The following SPRED3 variants were observed in gnomAD, a reference collection of about 807,000 sequenced individuals.
The protein encoded by SPRED3 is sprouty-related, EVH1 domain-containing protein 3.
In SPRED3, 23 loss-of-function variants were observed where a neutral mutation model predicts 37.6. That is an observed-to-expected ratio of 0.61 (90% CI 0.44 to 0.87). The LOEUF is 0.87. Among genes scored for constraint, SPRED3 ranks in the 40% least tolerant of loss-of-function variants. The pLI, the probability that SPRED3 is intolerant of heterozygous loss-of-function variation, is 0.00. For missense variants in SPRED3, 584 were observed against 618.6 expected, an observed-to-expected ratio of 0.94 and a Z score of 0.59; for synonymous variants, 302 against 279.6, an observed-to-expected ratio of 1.08 and a Z score of -0.80.
At position 38,395,692 on chromosome 19, in the gene SPRED3, C is replaced by A; in HGVS notation, c.780C>A (p.Ala260=). The A allele has an allele frequency of 1.4e-6, 2 of 1,481,244 alleles. No homozygotes were observed. The highest frequency in any genetic ancestry group is 1.3e-5 in the South Asian group (1 of 76,308). 91.8% of individuals were successfully genotyped at this position (1,481,244 alleles called of 1,614,324 possible). The change falls in exon 6 of 6, where the codon GCC becomes GCA. Residue 260 remains alanine, a synonymous_variant. Transcript: ENST00000691638. This position sits in a 1 kb window ranked among gnomAD's most constrained non-coding sequence, Gnocchi z 5.2. ...TGGGTCCCCCAGCGGCACTACCTGC[C>A]CCTTTGACCGAGGCTGCGCCCCCAG... ...AALGPPAALP[A]PLTEAAPPAP...
intron 4 of SPRED3, among the ~76,000 whole-genome samples, chr19:38,393,942 C>T (rs948151278): frequency 3.3e-5 from 5 of 152,190 alleles, no homozygotes; most frequent in Non-Finnish European, 7.3e-5. Context: ...CAGTTGCAGA[C>T]AGTTCCCATC....
Position 38,396,622 on chromosome 19 carries a change from G to A in SPRED3, c.*477G>A, listed in dbSNP as rs1970901129. On this transcript the variant is annotated 3_prime_UTR_variant, in exon 6 of 6. Coordinates refer to ENST00000691638, the MANE Select transcript of SPRED3 (RefSeq NM_001394336.1). The stretch of plus-strand genomic sequence containing the variant: ...TCAGATCTTGAGACCATAGGACCTG[G>A]AGTCACCCACAAACAGTTCCTGAAT... The A allele has an allele frequency of 6.6e-6, 1 of 152,470 alleles. No homozygotes were observed. The highest frequency in any genetic ancestry group is 6.5e-5 in the Admixed American group (1 of 15,278). The allele number at this position is 152,470 out of a possible 1,614,324, so 9.4% of individuals were successfully genotyped here.
At position 38,395,659 on chromosome 19, in the gene SPRED3, C is replaced by T. The variant is rs2145160510; in HGVS notation, c.747C>T (p.Gly249=). 1 of 1,519,482 alleles carries T rather than the reference C, an allele frequency of 6.6e-7. No homozygotes were observed. Among genetic ancestry groups the T allele is most frequent in the Non-Finnish European group, 8.7e-7 (1 of 1,144,548 alleles). The allele number at this position is 1,519,482 out of a possible 1,614,324, so 94.1% of individuals were successfully genotyped here. Reference sequence around the variant, plus strand: ...TCGCCAAGACCGGCGCGTTGAGGGGCGCTGCCCTGGGTCCCCCAGCGGCAC... The same window carrying T: ...TCGCCAAGACCGGCGCGTTGAGGGGTGCTGCCCTGGGTCCCCCAGCGGCAC... ...VRFAKTGALR[G]AALGPPAALP... The change falls in exon 6 of 6, where the codon GGC becomes GGT. Residue 249 remains glycine, a synonymous_variant. Transcript: ENST00000691638. This position sits in a 1 kb window ranked among gnomAD's most constrained non-coding sequence, Gnocchi z 5.2.
chr19:38,390,424 G>T lies in SPRED3; in HGVS notation c.122G>T (p.Gly41Val), dbSNP rs780044829. Residue 41 changes from glycine (G) to valine (V), a missense_variant, in exon 2 of 6, where the codon GGG becomes GTG. Coordinates refer to ENST00000691638, the MANE Select transcript of SPRED3 (RefSeq NM_001394336.1). ...CGGGTCCGAGGGGCCAGGCCCGAGG[G>T]GGGGGCCCGCCAGGGGCACTACGTC... ...VCRVRGARPEGGARQGHYVIH... is the reference protein window; with the variant it reads ...VCRVRGARPEVGARQGHYVIH... The T allele has an allele frequency of 2.6e-4, 363 of 1,405,132 alleles. 1 individual carries two copies. The highest frequency in any genetic ancestry group is 3.1e-4 in the Non-Finnish European group (339 of 1,076,946). The allele number at this position is 1,405,132 out of a possible 1,614,324, so 87.0% of individuals were successfully genotyped here.
Position 38,395,491 on chromosome 19 carries a change from GCTT to G in SPRED3, c.582_584del (p.Leu195del), listed in dbSNP as rs1970882863. On this transcript the variant is annotated inframe_deletion, in exon 6 of 6. Transcript: ENST00000691638. The surrounding 1 kb of genome is among the most constrained non-coding windows in gnomAD (Gnocchi z 5.2). ...CCTTCGTTCCGCAGAGCTACCCTCC[GCTT>G]CTACCGTTCACGGGGATTCCGGAAC... 6.7e-7 allele frequency: 1 copy of G among 1,500,626 alleles called. No homozygotes were observed. Among genetic ancestry groups the G allele is most frequent in the African/African-American group, 1.5e-5 (1 of 68,714 alleles). The allele number at this position is 1,500,626 out of a possible 1,614,324, so 93.0% of individuals were successfully genotyped here.
At position 38,391,937 on chromosome 19, in the gene SPRED3, G is replaced by A; in HGVS notation, c.178-9G>A. 6.2e-7 allele frequency: 1 copy of A among 1,613,254 alleles called. No individual in the cohort carries two copies. On this transcript the variant is annotated splice_polypyrimidine_tract_variant and intron_variant, in intron 2 of 5. Transcript: ENST00000691638. ...GGGTATCTGACCCTGCTTTCCTTCTGCCCCTCAGACAACCTTGGAGTGTAC... is the reference window on the plus strand; with the variant it reads ...GGGTATCTGACCCTGCTTTCCTTCTACCCCTCAGACAACCTTGGAGTGTAC...
At chr19:38,391,015 T>C (rs1319658008) in intron 2 of SPRED3, among the ~76,000 whole-genome samples, 3 of 151,614 alleles carry the variant, frequency 2.0e-5, no homozygotes, top group South Asian at 4.2e-4. Flanking sequence ...CAGCTAGGGA[T>C]GTAGTAGAAA....
intron 4 of SPRED3, 82 bp from the exon 5 acceptor site, chr19:38,394,561 G>T (rs1346307340): frequency 3.2e-6 from 5 of 1,549,646 alleles, no homozygotes; most frequent in Non-Finnish European, 3.5e-6. Context: ...CAGAGCCCTC[G>T]CTCTCAATGG....
At position 38,390,280 on chromosome 19, in the gene SPRED3, T is replaced by A; in HGVS notation, c.-4-19T>A. 7.5e-7 allele frequency: 1 copy of A among 1,338,964 alleles called. No individual in the cohort carries two copies. The highest frequency in any genetic ancestry group is 9.7e-7 in the Non-Finnish European group (1 of 1,035,918). 82.9% of individuals were successfully genotyped at this position (1,338,964 alleles called of 1,614,324 possible). On this transcript the variant is annotated intron_variant, in intron 1 of 5. Transcript: ENST00000691638. The stretch of plus-strand genomic sequence containing the variant: ...GCTCATGACTGTGTTGTCCCTGTCC[T>A]TCCCCCCACCTCCTGCAGGTACATG...
Position 38,395,626 on chromosome 19 carries a change from CG to C in SPRED3, c.715del (p.Val239CysfsTer9). On this transcript the variant is annotated frameshift_variant, in exon 6 of 6. Coordinates refer to ENST00000691638, the MANE Select transcript of SPRED3 (RefSeq NM_001394336.1). LOFTEE classifies it high-confidence loss of function. The surrounding 1 kb of genome is among the most constrained non-coding windows in gnomAD (Gnocchi z 5.2). ...PAPLALSTCV[V>X]RFAKTGALRG... ...CGCCCCTCGCCCTGTCCACCTGCGT[CG>C]TGCGCTTCGCCAAGACCGGCGCGTT... The C allele has an allele frequency of 6.5e-7, 1 of 1,543,726 alleles. No homozygotes were observed. Among genetic ancestry groups the C allele is most frequent in the Non-Finnish European group, 8.7e-7 (1 of 1,153,562 alleles).
rs749221833 is a variant in SPRED3, at chr19:38,390,365, G to T, written c.63G>T (p.Val21=). ...ACTCCAGTGGGGGCTGGCTGCCTGT[G>T]GGGGGCGGGGGCCTCAGCCAGGTGA... ...RDDSSGGWLP[V]GGGGLSQVSV... Residue 21 remains valine, a synonymous_variant, in exon 2 of 6, where the codon GTG becomes GTT. Coordinates refer to ENST00000691638, the MANE Select transcript of SPRED3 (RefSeq NM_001394336.1). 1.4e-6 allele frequency: 2 copies of T among 1,390,044 alleles called. No individual in the cohort carries two copies. The highest frequency in any genetic ancestry group is 1.9e-6 in the Non-Finnish European group (2 of 1,066,332). The allele number at this position is 1,390,044 out of a possible 1,614,324, so 86.1% of individuals were successfully genotyped here. A position where few individuals can be genotyped will look rare whatever the true frequency, so the allele number is the denominator to read the frequency against.
rs995311193 is a variant in SPRED3, at chr19:38,389,282, C to A, written c.-5+475C>A. On this transcript the variant is annotated intron_variant, in intron 1 of 5. Coordinates refer to ENST00000691638, the MANE Select transcript of SPRED3 (RefSeq NM_001394336.1). The stretch of plus-strand genomic sequence containing the variant: ...AAAAGGGGGCTGGGGGCGCTGCAGC[C>A]GCCCCTTCCCCTCCTGAAGGGCCCG... 3.3e-5 allele frequency among the ~76,000 whole-genome samples: 5 copies of A among 151,570 alleles called. No homozygotes were observed. In the East Asian group the frequency reaches 9.7e-4, roughly 29 times the overall value.
Position 38,392,226 on chromosome 19 carries a change from T to C in SPRED3, c.361T>C (p.Ser121Pro), listed in dbSNP as rs770156974. 54 of 896,252 alleles carry C rather than the reference T, an allele frequency of 6.0e-5. No individual in the cohort carries two copies. The Admixed American group carries it at 1.5e-3, about 25-fold the overall frequency. 55.5% of individuals were successfully genotyped at this position (896,252 alleles called of 1,614,324 possible). A position where few individuals can be genotyped will look rare whatever the true frequency, so the allele number is the denominator to read the frequency against. ...AALGRGSLTP[S>P]SSSSSSSPSQ... ...CCCTGCCCCAGGCTCACTCACCCCC[T>C]CCTCCTCCTCCTCCTCCTCCTCTCC... The change falls in exon 4 of 6, where the codon TCC (serine) becomes CCC (proline). Residue 121 changes from serine (S) to proline (P), a missense_variant. Physicochemically the swap from Ser to Pro is moderately conservative, Grantham distance 74 (BLOSUM62 -1). Coordinates refer to ENST00000691638, the MANE Select transcript of SPRED3 (RefSeq NM_001394336.1).
Position 38,395,323 on chromosome 19 carries a change from C to T in SPRED3, c.568-157C>T, listed in dbSNP as rs923712035. On this transcript the variant is annotated intron_variant, in intron 5 of 5. Coordinates refer to ENST00000691638, the MANE Select transcript of SPRED3 (RefSeq NM_001394336.1). The surrounding 1 kb of genome is among the most constrained non-coding windows in gnomAD (Gnocchi z 5.2). ...GGGGTTGGTGCGTGGATTCCTCTGT[C>T]TGTCCCTGGAGAAAAGTGGGGATTG... Among the ~76,000 whole-genome samples the T allele has an allele frequency of 5.3e-5, 8 of 152,206 alleles. No homozygotes were observed. The highest frequency in any genetic ancestry group is 1.9e-4 in the African/African-American group (8 of 41,456).
At position 38,392,213 on chromosome 19, in the gene SPRED3, C is replaced by G; in HGVS notation, c.348C>G (p.Gly116=). The change falls in exon 4 of 6, where the codon GGC becomes GGG. Residue 116 remains glycine (G), a splice_region_variant and synonymous_variant. Coordinates refer to ENST00000691638, the MANE Select transcript of SPRED3 (RefSeq NM_001394336.1). Reference sequence around the variant, plus strand: ...TCTCTGCCTCTCTCCCTGCCCCAGGCTCACTCACCCCCTCCTCCTCCTCCT... The same window carrying G: ...TCTCTGCCTCTCTCCCTGCCCCAGGGTCACTCACCCCCTCCTCCTCCTCCT... ...LLAALAALGR[G]SLTPSSSSSS... is the part of the protein sequence containing the mutation. 2 of 1,598,204 alleles carry G rather than the reference C, an allele frequency of 1.3e-6. No homozygotes were observed. Among genetic ancestry groups the G allele is most frequent in the Admixed American group, 1.7e-5 (1 of 58,758 alleles).
At position 38,397,903 on chromosome 19, in the gene SPRED3, TAAA is replaced by T. The variant is rs774014740; in HGVS notation, c.*1771_*1773del. On this transcript the variant is annotated 3_prime_UTR_variant, in exon 6 of 6. Coordinates refer to ENST00000691638, the MANE Select transcript of SPRED3 (RefSeq NM_001394336.1). ...CTGGGCAATGTAGTGAGACCGTCTC[TAAA>T]AAAAAAAAAAAAGGACCAAGTAGGA... is the stretch of plus-strand genomic sequence containing the variant. 2.3e-5 allele frequency: 3 copies of T among 131,930 alleles called. No individual in the cohort carries two copies. Among genetic ancestry groups the T allele is most frequent in the Non-Finnish European group, 3.2e-5 (2 of 61,596 alleles). The allele number at this position is 131,930 out of a possible 1,614,324, so 8.2% of individuals were successfully genotyped here. A position where few individuals can be genotyped will look rare whatever the true frequency, so the allele number is the denominator to read the frequency against.
chr19:38,394,022 G>A (rs760208268), intron 4 of SPRED3, among the ~76,000 whole-genome samples: 1 of 152,234 alleles, frequency 6.6e-6, no homozygotes, highest in South Asian at 2.1e-4. Flanking sequence ...AGTGGTCTTC[G>A]TGAGTCTGGC....
chr19:38,395,367 G>A lies in SPRED3; in HGVS notation c.568-113G>A. 9.4e-7 allele frequency: 1 copy of A among 1,067,028 alleles called. No homozygotes were observed. The highest frequency in any genetic ancestry group is 1.3e-6 in the Non-Finnish European group (1 of 790,776). 66.1% of individuals were successfully genotyped at this position (1,067,028 alleles called of 1,614,324 possible). A position where few individuals can be genotyped will look rare whatever the true frequency, so the allele number is the denominator to read the frequency against. ...GGGATTGAGGGACCTTGGGAGAGAA[G>A]CAAGCTGGGGTCTTGAAAATCTGAA... On this transcript the variant is annotated intron_variant, in intron 5 of 5. Coordinates refer to ENST00000691638, the MANE Select transcript of SPRED3 (RefSeq NM_001394336.1). The surrounding 1 kb of genome is among the most constrained non-coding windows in gnomAD (Gnocchi z 5.2).
At position 38,390,471 on chromosome 19, in the gene SPRED3, G is replaced by A; in HGVS notation, c.169G>A (p.Asp57Asn). 1 of 1,358,694 alleles carries A rather than the reference G, an allele frequency of 7.4e-7. No individual in the cohort carries two copies. The highest frequency in any genetic ancestry group is 9.5e-7 in the Non-Finnish European group (1 of 1,052,926). The allele number at this position is 1,358,694 out of a possible 1,614,324, so 84.2% of individuals were successfully genotyped here. The change falls in exon 2 of 6, where the codon GAC (aspartate) becomes AAC (asparagine). Residue 57 changes from aspartate (D) to asparagine (N), a missense_variant. Asp to Asn is a conservative substitution (Grantham distance 23, BLOSUM62 1). This residue lies in a region of SPRED3 where 88 missense variants were observed against 77.0 expected (regional missense o/e 1.14). Transcript: ENST00000691638. ...CGTCATCCACGGGGAACGCCTCCGG[G>A]ACCAGAAAGTGAGCCACCCTGGGGC... Reference protein sequence around the residue: ...HYVIHGERLRDQKTTLECTLK... With the variant: ...HYVIHGERLRNQKTTLECTLK...
Sources: allele counts gnomAD v4.1 joint callset (sites outside exome capture counted in the v4.1 genomes callset), GRCh38; gene constraint gnomAD v4.1.1; regional missense constraint gnomAD v4.1.1; non-coding constraint Gnocchi (gnomAD v3.1); transcripts MANE v1.5; gene names NCBI Gene and HGNC (gene_info 2026-07-23, HGNC 2026-07-21).